C8orf34: variants seen among roughly 807,000 people sequenced by gnomAD.
C8orf34 encodes uncharacterized protein C8orf34.
A neutral mutation model predicts 68.3 loss-of-function variants in C8orf34; 65 were observed. That is an observed-to-expected ratio of 0.95 (90% CI 0.78 to 1.17). C8orf34 has a LOEUF of 1.17. Ranked by LOEUF, C8orf34 falls within the 50% of genes most tolerant of loss-of-function variation. C8orf34 has a pLI of 0.00. For missense variants in C8orf34, 664 were observed against 655.4 expected (o/e 1.01, Z -0.14); for synonymous variants, 244 against 241.2 (o/e 1.01, Z -0.11).
intron 10 of C8orf34, among the ~76,000 whole-genome samples, chr8:68,766,238 T>C (rs1332339711): frequency 1.3e-5 from 2 of 152,230 alleles, no homozygotes; most frequent in African/African-American, 4.8e-5. Flanking sequence ...TTTTTTTCCA[T>C]GCTCCTATCT....
At chr8:68,526,990 TG>T (rs1815025142) in intron 6 of C8orf34, among the ~76,000 whole-genome samples, 1 of 152,194 alleles carries the variant, frequency 6.6e-6, no homozygotes, top group South Asian at 2.1e-4. Context: ...CTCTTTAAAC[TG>T]TTCCTTTCCA....
intron 1 of C8orf34, chr8:68,438,200 A>G (rs944279062): frequency 1.3e-5 from 2 of 152,172 alleles, no homozygotes; most frequent in African/African-American, 4.8e-5. Context: ...GAGAAAACTG[A>G]TATCAAACTA....
intron 5 of C8orf34, among the ~76,000 whole-genome samples, chr8:68,521,379 C>T (rs114879307): frequency 4.9e-4 from 74 of 152,286 alleles, no homozygotes; most frequent in African/African-American, 6.0e-4. Flanking sequence ...ATACACCCTT[C>T]GAGCCCTATC....
chr8:68,616,279 T>C (rs1818210383), intron 7 of C8orf34, among the ~76,000 whole-genome samples: 1 of 152,208 alleles, frequency 6.6e-6, no homozygotes, highest in African/African-American at 2.4e-5. Context: ...GTTTTCTGTT[T>C]CTCTATTTCC....
chr8:68,526,500 T>C (rs1814994268), intron 6 of C8orf34, among the ~76,000 whole-genome samples: 1 of 152,162 alleles, frequency 6.6e-6, no homozygotes, highest in Admixed American at 6.5e-5. Context: ...CAGTTCACAG[T>C]ACTAGGTATA....
At chr8:68,534,539 C>T in intron 7 of C8orf34, 2 of 815,630 alleles carry the variant, frequency 2.5e-6, no homozygotes, top group Non-Finnish European at 1.5e-6. Context: ...GGGGTAACAC[C>T]TAAAGCAGAG....
chr8:68,466,821 G>T (rs1345939092), intron 3 of C8orf34, among the ~76,000 whole-genome samples: 1 of 146,366 alleles, frequency 6.8e-6, no homozygotes, highest in Non-Finnish European at 1.5e-5. Context: ...TAGGTCACAG[G>T]GTCGGTGCAT....
intron 5 of C8orf34, among the ~76,000 whole-genome samples, chr8:68,520,483 C>T (rs1303759254): frequency 6.6e-6 from 1 of 152,124 alleles, no homozygotes. Flanking sequence ...CGCAGTCTTG[C>T]TCTGTTGCCC....
intron 7 of C8orf34, among the ~76,000 whole-genome samples, chr8:68,581,351 G>T (rs1817058482): frequency 6.6e-6 from 1 of 152,004 alleles, no homozygotes; most frequent in Non-Finnish European, 1.5e-5. Context: ...CTGGGTACTG[G>T]GAGGGCAACT....
chr8:68,426,002 C>A (rs913328534), intron 1 of C8orf34, among the ~76,000 whole-genome samples: 1 of 151,960 alleles, frequency 6.6e-6, no homozygotes. Flanking sequence ...AACATTGCGT[C>A]TTATGCAAAA....
chr8:68,678,167 A>G (rs1820250290), intron 8 of C8orf34, among the ~76,000 whole-genome samples: 1 of 152,082 alleles, frequency 6.6e-6, no homozygotes, highest in Non-Finnish European at 1.5e-5. Context: ...ATACCTACTC[A>G]AACTGTTCTA....
intron 8 of C8orf34, among the ~76,000 whole-genome samples, chr8:68,680,120 A>G (rs1054434925): frequency 6.6e-6 from 1 of 152,156 alleles, no homozygotes; most frequent in African/African-American, 2.4e-5. Flanking sequence ...GGAAACAATC[A>G]ACAAAGTGAA....
rs541556947 is a variant in C8orf34 at position 68,611,001 on chromosome 8, A to G, written c.1106-29375A>G. ...TGCCTCAGCCTTCCAAGTAGCTGGT[A>G]ATATAGGCATGTGCCATCACCACGC... On this transcript the variant is annotated intron_variant, in intron 7 of 13. Coordinates refer to ENST00000518698, the MANE Select transcript of C8orf34 (RefSeq NM_052958.4). 3.3e-5 allele frequency among the ~76,000 whole-genome samples: 5 copies of G among 151,874 alleles called. No individual in the cohort carries two copies. In the South Asian group the frequency reaches 1.0e-3, roughly 32 times the overall value.
chr8:68,741,312 T>C (rs1822285565), intron 10 of C8orf34, among the ~76,000 whole-genome samples: 1 of 152,192 alleles, frequency 6.6e-6, no homozygotes, highest in Non-Finnish European at 1.5e-5. Flanking sequence ...TATTTCATTT[T>C]AAATTGTTTA....
At chr8:68,336,712 G>T (rs1312923805) in intron 1 of C8orf34, among the ~76,000 whole-genome samples, 1 of 152,152 alleles carries the variant, frequency 6.6e-6, no homozygotes, top group Non-Finnish European at 1.5e-5. Context: ...CCACATTTTG[G>T]TTTCTAAATA....
intron 8 of C8orf34, among the ~76,000 whole-genome samples, chr8:68,653,726 C>G (rs1819430541): frequency 6.6e-6 from 1 of 152,068 alleles, no homozygotes; most frequent in African/African-American, 2.4e-5. Flanking sequence ...TCCCTCATGG[C>G]CTACATACCT....
At chr8:68,692,735 T>C (rs60946548) in intron 8 of C8orf34, among the ~76,000 whole-genome samples, 11,194 of 152,082 alleles carry the variant, frequency 0.074, 604 homozygotes, top group African/African-American at 0.15. Flanking sequence ...GAAGGCAGGA[T>C]ACCTTTTGTC....
intron 1 of C8orf34, among the ~76,000 whole-genome samples, chr8:68,382,163 A>G (rs2129620259): frequency 1.3e-5 from 2 of 152,322 alleles, no homozygotes; most frequent in East Asian, 3.9e-4. Flanking sequence ...GCATCTTTGC[A>G]GTTATAACCA....
At chr8:68,745,263 C>A (rs942850050) in intron 10 of C8orf34, among the ~76,000 whole-genome samples, 22 of 152,070 alleles carry the variant, frequency 1.4e-4, no homozygotes, top group African/African-American at 5.3e-4. Flanking sequence ...ACAACTGGTG[C>A]CAGCCGCTGC....
Sources: allele counts gnomAD v4.1 joint callset (sites outside exome capture counted in the v4.1 genomes callset), GRCh38; gene constraint gnomAD v4.1.1; transcripts MANE v1.5; gene names NCBI Gene and HGNC (gene_info 2026-07-23, HGNC 2026-07-21).